Variants in XKR6 observed in about 807,000 individuals in gnomAD.
XKR6 encodes XK related 6.
A neutral mutation model predicts 56.7 loss-of-function variants in XKR6; 22 were observed. That is an observed-to-expected ratio of 0.39 (90% confidence interval 0.28 to 0.55). The LOEUF (loss-of-function observed/expected upper bound fraction) is 0.55. Among genes scored for constraint, XKR6 ranks in the 20% least tolerant of loss-of-function variants. The pLI, the probability that XKR6 is intolerant of heterozygous loss-of-function variation, is 0.66. For synonymous variants in XKR6, 524 were observed against 387.8 expected (o/e 1.35, Z -4.13); for missense variants, 852 against 889.0 (o/e 0.96, Z 0.53).
intron 1 of XKR6, among the ~76,000 whole-genome samples, chr8:11,081,518 G>A (rs1026423416): frequency 5.3e-5 from 8 of 152,088 alleles, no homozygotes; most frequent in Non-Finnish European, 1.0e-4. Context: ...CATTTTAATC[G>A]AGAAATTAAA....
intron 1 of XKR6, among the ~76,000 whole-genome samples, chr8:11,134,784 C>T (rs10106007): frequency 0.085 from 12,855 of 151,846 alleles, 1,834 homozygotes; most frequent in African/African-American, 0.29. Flanking sequence ...AAATGTATTC[C>T]GTGGTGTTAT....
At chr8:10,929,141 T>C (rs1476727657) in intron 1 of XKR6, among the ~76,000 whole-genome samples, 1 of 152,216 alleles carries the variant, frequency 6.6e-6, no homozygotes, top group African/African-American at 2.4e-5. Flanking sequence ...TTTGTCTTTC[T>C]TCAGGTGAGT....
chr8:11,141,660 G>A (rs1800703316), intron 1 of XKR6, among the ~76,000 whole-genome samples: 1 of 152,174 alleles, frequency 6.6e-6, no homozygotes, highest in Non-Finnish European at 1.5e-5. Context: ...CGGCTCCACA[G>A]CTCTCCCCCA....
chr8:11,119,061 G>T (rs6995805), intron 1 of XKR6, among the ~76,000 whole-genome samples: 73,055 of 150,382 alleles, frequency 0.49, 18,682 homozygotes, highest in African/African-American at 0.56. Flanking sequence ...TTCATTTCAT[G>T]ATGTACCCAG....
chr8:11,002,831 G>A (rs1056957183), intron 1 of XKR6, among the ~76,000 whole-genome samples: 1 of 152,234 alleles, frequency 6.6e-6, no homozygotes, highest in Non-Finnish European at 1.5e-5. Flanking sequence ...AGGTGCTGAT[G>A]TTTATTCCAG....
chr8:11,047,869 G>A (rs1799448891), intron 1 of XKR6, among the ~76,000 whole-genome samples: 1 of 152,206 alleles, frequency 6.6e-6, no homozygotes, highest in South Asian at 2.1e-4. Context: ...AACAGGCTCA[G>A]TGGATGACAC....
chr8:11,128,751 C>G, intron 1 of XKR6: 2 of 432,802 alleles, frequency 4.6e-6, no homozygotes, highest in Non-Finnish European at 9.2e-6. Context: ...TCATCCTTTC[C>G]AACTTTCTTT....
chr8:11,170,638 A>T (rs1802318205), intron 1 of XKR6, among the ~76,000 whole-genome samples: 1 of 152,228 alleles, frequency 6.6e-6, no homozygotes, highest in African/African-American at 2.4e-5. Flanking sequence ...TAATCGTTGC[A>T]CAACTCTGTG....
chr8:11,198,694 T>C (rs913966915), intron 1 of XKR6, among the ~76,000 whole-genome samples: 7 of 152,204 alleles, frequency 4.6e-5, no homozygotes, highest in African/African-American at 1.7e-4. Context: ...AGCTTACTAC[T>C]AGTAAGTGTC....
intron 1 of XKR6, among the ~76,000 whole-genome samples, chr8:10,973,062 G>A (rs143217338): frequency 3.9e-5 from 6 of 152,264 alleles, no homozygotes; most frequent in Admixed American, 3.3e-4. Context: ...CGAGGCTTAC[G>A]ATTAGCCTCT....
rs150645080 is a variant in XKR6 at position 11,198,688 on chromosome 8, T to A, written c.764+1888A>T. ...TCCAATTTCATTCTGTCTCAAAGCT[T>A]ACTACTAGTAAGTGTCCAGGACAGA... is the stretch of plus-strand genomic sequence containing the variant. On this transcript the variant is annotated intron_variant, in intron 1 of 2. Coordinates refer to ENST00000416569, the MANE Select transcript of XKR6 (RefSeq NM_173683.4). 6.4e-4 allele frequency among the ~76,000 whole-genome samples: 98 copies of A among 152,332 alleles called. 1 individual carries two copies. The East Asian group carries it at 0.018, about 28-fold the overall frequency.
intron 1 of XKR6, among the ~76,000 whole-genome samples, chr8:11,167,290 C>T (rs1283772946): frequency 6.6e-6 from 1 of 152,192 alleles, no homozygotes; most frequent in Non-Finnish European, 1.5e-5. Context: ...TTCTTATTTG[C>T]CTTTGCCCTA....
In XKR6 at chr8:11,033,800, TGA is replaced by T. The variant is rs1386274002; in HGVS notation, c.765-108972_765-108971del. ...CAGGTCCACTCGTATCTTCAGATTA[TGA>T]CTCCTAGGGGTCCAGAAATACACAT... is the stretch of plus-strand genomic sequence containing the variant. On this transcript the variant is annotated intron_variant, in intron 1 of 2. Coordinates refer to ENST00000416569, the MANE Select transcript of XKR6 (RefSeq NM_173683.4). Among the ~76,000 whole-genome samples, 7 of 152,336 alleles carry T rather than the reference TGA, an allele frequency of 4.6e-5. No homozygotes were observed. In the East Asian group the frequency reaches 1.4e-3, roughly 29 times the overall value.
intron 1 of XKR6, among the ~76,000 whole-genome samples, chr8:11,025,456 AG>A (rs1798839556): frequency 6.6e-6 from 1 of 152,142 alleles, no homozygotes; most frequent in Non-Finnish European, 1.5e-5. Context: ...GGGTGCAGGG[AG>A]GGGTTGCCAA....
At chr8:11,108,165 C>T (rs754402156) in intron 1 of XKR6, 47 of 407,032 alleles carry the variant, frequency 1.2e-4, no homozygotes, top group Admixed American at 4.0e-4. Flanking sequence ...TAATCGGGTG[C>T]ATCTGTTCTG....
At chr8:11,006,050 G>T (rs982947783) in intron 1 of XKR6, among the ~76,000 whole-genome samples, 1 of 151,944 alleles carries the variant, frequency 6.6e-6, no homozygotes, top group Non-Finnish European at 1.5e-5. Context: ...CACCATGGTG[G>T]CCAGGCTGGT....
intron 1 of XKR6, among the ~76,000 whole-genome samples, chr8:11,190,492 T>A (rs1301732732): frequency 2.0e-5 from 3 of 151,814 alleles, no homozygotes; most frequent in Admixed American, 6.6e-5. Flanking sequence ...GAGAATGGAG[T>A]GAGGTACTGA....
rs1228600123 is a variant in XKR6, at chr8:10,896,928, T to C, written c.*1024A>G. 6.6e-6 allele frequency: 1 copy of C among 152,638 alleles called. No homozygotes were observed. Among genetic ancestry groups the C allele is most frequent in the Middle Eastern group, 3.2e-3 (1 of 316 alleles). The allele number at this position is 152,638 out of a possible 1,614,324, so 9.5% of individuals were successfully genotyped here. ...TGATGGAACTAATCGTTGTTGCCAGTCACTGATTAAGTATTGTGCCTTTAA... is the reference window on the plus strand; with the variant it reads ...TGATGGAACTAATCGTTGTTGCCAGCCACTGATTAAGTATTGTGCCTTTAA... On this transcript the variant is annotated 3_prime_UTR_variant, in exon 3 of 3. Transcript: ENST00000416569.
At chr8:11,037,017 T>C (rs928492562) in intron 1 of XKR6, among the ~76,000 whole-genome samples, 8 of 152,166 alleles carry the variant, frequency 5.3e-5, no homozygotes, top group Admixed American at 5.2e-4. Flanking sequence ...GTCGGTGCCC[T>C]CTGCAGGTTT....
Sources: allele counts gnomAD v4.1 joint callset (sites outside exome capture counted in the v4.1 genomes callset), GRCh38; gene constraint gnomAD v4.1.1; transcripts MANE v1.5; gene names NCBI Gene and HGNC (gene_info 2026-07-23, HGNC 2026-07-21).